Variants in NELL2 observed in about 807,000 individuals in gnomAD.
NELL2 encodes protein kinase C-binding protein NELL2.
A neutral mutation model predicts 109.6 loss-of-function variants in NELL2; 41 were observed. The ratio of observed to expected loss-of-function variants is 0.37; its 90% confidence interval spans 0.29 to 0.49. NELL2 has a LOEUF of 0.49. Among genes scored for constraint, NELL2 ranks in the 20% least tolerant of loss-of-function variants. The probability of loss-of-function intolerance (pLI) is 0.98; values close to 1 mark genes in which losing one functional copy is unlikely to be tolerated. For missense variants in NELL2, 900 were observed against 1,008.3 expected, an observed-to-expected ratio of 0.89 and a Z score of 1.45; for synonymous variants, 355 against 344.7, an observed-to-expected ratio of 1.03 and a Z score of -0.33.
chr12:44,634,738 G>T (rs1057361218), intron 13 of NELL2, among the ~76,000 whole-genome samples: 1 of 152,150 alleles, frequency 6.6e-6, no homozygotes, highest in African/African-American at 2.4e-5. Flanking sequence ...GATCCTTGAG[G>T]AATCACCACA....
chr12:44,863,239 C>T (rs573082339), intron 2 of NELL2, among the ~76,000 whole-genome samples: 1 of 152,156 alleles, frequency 6.6e-6, no homozygotes, highest in African/African-American at 2.4e-5. Flanking sequence ...ATGATGGTTT[C>T]CAGCTTCTTT....
intron 2 of NELL2, among the ~76,000 whole-genome samples, chr12:44,819,995 G>A (rs570091431): frequency 6.6e-6 from 1 of 152,204 alleles, no homozygotes; most frequent in East Asian, 1.9e-4. Flanking sequence ...CATAGCCTCA[G>A]GATGGTCTCC....
intron 1 of NELL2, among the ~76,000 whole-genome samples, chr12:44,909,770 T>C (rs386672): frequency 0.021 from 2,744 of 133,584 alleles, 95 homozygotes; most frequent in African/African-American, 0.082. Flanking sequence ...CACACACACA[T>C]ATATATACAC....
intron 19 of NELL2, among the ~76,000 whole-genome samples, chr12:44,515,783 T>C (rs1162033320): frequency 1.3e-5 from 2 of 152,092 alleles, no homozygotes; most frequent in South Asian, 2.1e-4. Flanking sequence ...TTTTTGGCTA[T>C]ATTTATTGTT....
At chr12:44,818,716 T>G (rs930666475) in intron 2 of NELL2, among the ~76,000 whole-genome samples, 37 of 150,532 alleles carry the variant, frequency 2.5e-4, no homozygotes, top group Non-Finnish European at 4.4e-4. Context: ...GGCTATATTT[T>G]GTTCACTTAT....
At chr12:44,889,304 A>G (rs17095196) in intron 1 of NELL2, among the ~76,000 whole-genome samples, 3,133 of 152,148 alleles carry the variant, frequency 0.021, 112 homozygotes, top group East Asian at 0.18. Flanking sequence ...TACTGGTTAG[A>G]AAAATATATA....
At chr12:44,574,741 A>T (rs185719403) in intron 15 of NELL2, among the ~76,000 whole-genome samples, 3 of 152,186 alleles carry the variant, frequency 2.0e-5, no homozygotes, top group African/African-American at 7.2e-5. Flanking sequence ...GAGATTTGGC[A>T]CATATGTTAT....
At chr12:44,895,626 TA>T (rs71825690) in intron 1 of NELL2, among the ~76,000 whole-genome samples, 3,690 of 152,222 alleles carry the variant, frequency 0.024, 163 homozygotes, top group African/African-American at 0.084. Flanking sequence ...GTTTCCATTA[TA>T]AAAAATTACC....
At chr12:44,716,456 G>T (rs1319272904) in intron 9 of NELL2, among the ~76,000 whole-genome samples, 1 of 152,066 alleles carries the variant, frequency 6.6e-6, no homozygotes, top group East Asian at 1.9e-4. Context: ...CTATGTATTT[G>T]TCAGTTGCAT....
chr12:44,876,197 C>T lies in NELL2; in HGVS notation c.-328G>A. ...AATTAGCTCCCGAGCCGAATAAAAG[C>T]AGCCAAAGACTCGCACACCCGGTAG... On this transcript the variant is annotated 5_prime_UTR_variant, in exon 1 of 20. Transcript: ENST00000429094. 1.6e-6 allele frequency: 2 copies of T among 1,217,936 alleles called. No homozygotes were observed. Among genetic ancestry groups the T allele is most frequent in the African/African-American group, 3.1e-5 (2 of 64,846 alleles). The allele number at this position is 1,217,936 out of a possible 1,614,324, so 75.4% of individuals were successfully genotyped here. A position where few individuals can be genotyped will look rare whatever the true frequency, so the allele number is the denominator to read the frequency against.
intron 3 of NELL2, among the ~76,000 whole-genome samples, chr12:44,788,654 C>A (rs547475910): frequency 3.9e-5 from 6 of 152,276 alleles, no homozygotes; most frequent in African/African-American, 1.4e-4. Context: ...GGGCGAGAAG[C>A]CTCCTGGCCA....
intron 15 of NELL2, among the ~76,000 whole-genome samples, chr12:44,538,173 C>T (rs890804856): frequency 2.0e-5 from 3 of 152,132 alleles, no homozygotes; most frequent in Non-Finnish European, 2.9e-5. Context: ...AAGTCTAGTT[C>T]TTTTTTCCCT....
chr12:44,810,930 G>A (rs967795947), intron 3 of NELL2, among the ~76,000 whole-genome samples: 4 of 151,994 alleles, frequency 2.6e-5, no homozygotes, highest in African/African-American at 4.8e-5. Context: ...ATATTTTAAT[G>A]TCTCATGAAA....
intron 13 of NELL2, among the ~76,000 whole-genome samples, chr12:44,638,534 C>T (rs1038320827): frequency 6.6e-6 from 1 of 152,016 alleles, no homozygotes; most frequent in Admixed American, 6.6e-5. Flanking sequence ...ATCATACAAA[C>T]CTTAAGAAAG....
At chr12:44,621,953 C>T (rs1946076532) in intron 13 of NELL2, among the ~76,000 whole-genome samples, 1 of 151,892 alleles carries the variant, frequency 6.6e-6, no homozygotes, top group Non-Finnish European at 1.5e-5. Flanking sequence ...ACCAGCTGTC[C>T]TCACGCTGTC....
At chr12:44,803,408 G>T (rs1415623447) in intron 3 of NELL2, among the ~76,000 whole-genome samples, 1 of 152,018 alleles carries the variant, frequency 6.6e-6, no homozygotes, top group African/African-American at 2.4e-5. Flanking sequence ...ATATAAGATT[G>T]TCAATGTTTG....
At chr12:44,745,578 A>C (rs1322425749) in intron 9 of NELL2, among the ~76,000 whole-genome samples, 1 of 152,206 alleles carries the variant, frequency 6.6e-6, no homozygotes, top group Non-Finnish European at 1.5e-5. Context: ...AAATCTCCTC[A>C]AGCTGATAAG....
intron 1 of NELL2, among the ~76,000 whole-genome samples, chr12:44,888,367 T>C (rs1264450748): frequency 6.8e-6 from 1 of 146,790 alleles, no homozygotes; most frequent in African/African-American, 2.5e-5. Context: ...AATTCTGTGA[T>C]GAATGAACAG....
intron 3 of NELL2, among the ~76,000 whole-genome samples, chr12:44,780,422 T>C (rs988042228): frequency 3.3e-5 from 5 of 151,780 alleles, no homozygotes; most frequent in African/African-American, 1.2e-4. Context: ...CAGTCAAACA[T>C]CACAGAAAAA....
Sources: gnomAD v4.1 joint callset for allele counts (sites outside exome capture counted in the v4.1 genomes callset) on GRCh38, gnomAD v4.1.1 for gene constraint, MANE v1.5 for transcripts, NCBI Gene and HGNC (gene_info 2026-07-23, HGNC 2026-07-21) for gene names.